GALK2: variants seen among roughly 807,000 people sequenced by gnomAD.
GALK2 encodes N-acetylgalactosamine kinase.
GALK2 carries 36 observed loss-of-function variants against 52.4 expected under a neutral mutation model. The ratio of observed to expected loss-of-function variants is 0.69; its 90% confidence interval spans 0.53 to 0.91. GALK2 has a LOEUF of 0.91. Ranked by LOEUF, GALK2 falls within the 40% of genes least tolerant of loss-of-function variation. The pLI is 0.00. For synonymous variants in GALK2, 176 were observed against 199.1 expected (o/e 0.88, Z 0.98); for missense variants, 579 against 559.1 (o/e 1.04, Z -0.36).
chr15:49,192,493 A>ATATATATATATATATATATG (rs2086824226), intron 1 of GALK2, among the ~76,000 whole-genome samples: 2 of 28,220 alleles, frequency 7.1e-5, no homozygotes, highest in Non-Finnish European at 1.6e-4. Flanking sequence ...ATGTATATAT[A>ATATATATATATATATATATG]TATATATATA....
At chr15:49,302,507 T>C (rs578136056) in intron 8 of GALK2, among the ~76,000 whole-genome samples, 3 of 152,310 alleles carry the variant, frequency 2.0e-5, no homozygotes, top group South Asian at 2.1e-4. Context: ...TCATAGATTA[T>C]CTTGGTTAAG....
intron 8 of GALK2, among the ~76,000 whole-genome samples, chr15:49,299,710 C>CTT (rs1211063463): frequency 3.9e-5 from 1 of 25,368 alleles, no homozygotes; most frequent in Admixed American, 4.2e-4. Flanking sequence ...CTTGGTATTG[C>CTT]TTTCTTTCTT....
intron 3 of GALK2, chr15:49,366,602 G>A (rs953274749): frequency 4.4e-6 from 7 of 1,599,788 alleles, no homozygotes; most frequent in Non-Finnish European, 6.0e-6. Context: ...ATGCAAGATT[G>A]CTTCCTGAGC....
chr15:49,191,672 T>G (rs1035243103), intron 1 of GALK2, among the ~76,000 whole-genome samples: 3 of 152,216 alleles, frequency 2.0e-5, no homozygotes, highest in African/African-American at 7.2e-5. Context: ...AGGAGGTGTC[T>G]GCTGGTTTTT....
chr15:49,222,882 C>T (rs1401472621), intron 3 of GALK2, among the ~76,000 whole-genome samples: 1 of 152,170 alleles, frequency 6.6e-6, no homozygotes, highest in African/African-American at 2.4e-5. Flanking sequence ...CTAATTTTAG[C>T]ATCAGAGTGA....
chr15:49,346,324 C>CATATGTCCT (rs1489973169), intron 3 of GALK2, among the ~76,000 whole-genome samples: 5 of 152,178 alleles, frequency 3.3e-5, no homozygotes, highest in African/African-American at 1.2e-4. Context: ...ATTTTCTATA[C>CATATGTCCT]ATATGTCCTA....
At chr15:49,286,586 T>C (rs979154066) in intron 7 of GALK2, among the ~76,000 whole-genome samples, 1 of 152,172 alleles carries the variant, frequency 6.6e-6, no homozygotes, top group African/African-American at 2.4e-5. Flanking sequence ...GATTTAAATG[T>C]TTTGAATTTT....
At chr15:49,359,337 C>T (rs2043763065) in intron 3 of GALK2, among the ~76,000 whole-genome samples, 1 of 120,004 alleles carries the variant, frequency 8.3e-6, no homozygotes, top group South Asian at 2.8e-4. Context: ...GCAACCTACT[C>T]ATCTGACAAA....
At chr15:49,171,417 T>A (rs1001194264) in intron 1 of GALK2, among the ~76,000 whole-genome samples, 7 of 152,128 alleles carry the variant, frequency 4.6e-5, no homozygotes, top group African/African-American at 1.7e-4. Context: ...TTTCTGTTAG[T>A]TTTTTTCTCT....
intron 3 of GALK2, among the ~76,000 whole-genome samples, chr15:49,233,028 A>G (rs1347999727): frequency 6.6e-6 from 1 of 152,160 alleles, no homozygotes; most frequent in African/African-American, 2.4e-5. Flanking sequence ...AGGTATCTTT[A>G]TACCAATGCC....
At chr15:49,351,702 G>C (rs1377079379) in intron 3 of GALK2, among the ~76,000 whole-genome samples, 1 of 152,146 alleles carries the variant, frequency 6.6e-6, no homozygotes, top group Non-Finnish European at 1.5e-5. Flanking sequence ...AGTAACATTG[G>C]ACAGACAGAA....
chr15:49,296,083 T>C (rs2034451303), intron 8 of GALK2, among the ~76,000 whole-genome samples: 1 of 152,208 alleles, frequency 6.6e-6, no homozygotes, highest in Non-Finnish European at 1.5e-5. Context: ...TGAGGCATGC[T>C]TCATCTTATT....
chr15:49,248,404 A>C (rs1298919212), intron 5 of GALK2, among the ~76,000 whole-genome samples: 2 of 152,208 alleles, frequency 1.3e-5, no homozygotes, highest in African/African-American at 4.8e-5. Flanking sequence ...CATTCCAGCC[A>C]GATGTTGAGT....
intron 1 of GALK2, among the ~76,000 whole-genome samples, chr15:49,189,679 G>A (rs1357594377): frequency 2.0e-5 from 3 of 152,028 alleles, no homozygotes; most frequent in Non-Finnish European, 4.4e-5. Context: ...AGACAATACA[G>A]AGTCAAGCTG....
intron 5 of GALK2, among the ~76,000 whole-genome samples, chr15:49,258,506 T>G (rs2091913673): frequency 6.6e-6 from 1 of 152,014 alleles, no homozygotes; most frequent in African/African-American, 2.4e-5. Flanking sequence ...ATCCTAACAG[T>G]GACACAATGA....
At chr15:49,162,625 A>G (rs530939769) in intron 1 of GALK2, among the ~76,000 whole-genome samples, 5 of 152,308 alleles carry the variant, frequency 3.3e-5, no homozygotes, top group African/African-American at 1.2e-4. Context: ...ATACGTGATT[A>G]TATATACATG....
At chr15:49,210,974 C>T (rs2088828293) in intron 2 of GALK2, among the ~76,000 whole-genome samples, 1 of 12,170 alleles carries the variant, frequency 8.2e-5, no homozygotes, top group Non-Finnish European at 2.2e-4. Context: ...CACACACACT[C>T]ACACACACAC....
At chr15:49,364,788 C>G (rs969381380) in intron 3 of GALK2, among the ~76,000 whole-genome samples, 2 of 151,842 alleles carry the variant, frequency 1.3e-5, no homozygotes, top group African/African-American at 4.8e-5. Flanking sequence ...GATAGTAATA[C>G]TTTTATCTAC....
intron 2 of GALK2, among the ~76,000 whole-genome samples, chr15:49,203,647 T>C (rs1329144148): frequency 1.3e-5 from 2 of 152,242 alleles, no homozygotes; most frequent in Admixed American, 1.3e-4. Flanking sequence ...TCTAGTAGTT[T>C]CATAGTTTCA....
Sources: gnomAD v4.1 joint callset for allele counts (sites outside exome capture counted in the v4.1 genomes callset) on GRCh38, gnomAD v4.1.1 for gene constraint, MANE v1.5 for transcripts, NCBI Gene and HGNC (gene_info 2026-07-23, HGNC 2026-07-21) for gene names.